COL18A1: variants seen among roughly 807,000 people sequenced by gnomAD.
COL18A1 encodes collagen type XVIII alpha 1 chain, also known as collagen alpha-1(XVIII) chain.
Under a neutral mutation model 168.0 loss-of-function variants are expected in COL18A1, and 133 were observed. The ratio of observed to expected loss-of-function variants is 0.79; its 90% confidence interval spans 0.69 to 0.91. The LOEUF (loss-of-function observed/expected upper bound fraction) is 0.91, where lower values mean the gene tolerates loss of function less well. COL18A1 is among the 40% of genes least tolerant of loss of function. The probability of loss-of-function intolerance (pLI) is 0.00; values close to 1 mark genes in which losing one functional copy is unlikely to be tolerated. For missense variants in COL18A1, 2,126 were observed against 1,925.4 expected (o/e 1.10, Z -1.95); for synonymous variants, 949 against 809.0 (o/e 1.17, Z -2.94).
chr21:45,507,622 G>C, intron 38 of COL18A1, 29 bp downstream of exon 38: 1 of 1,610,038 alleles, frequency 6.2e-7, no homozygotes, highest in Non-Finnish European at 8.5e-7. Context: ...GTTGAGACTG[G>C]TGGGTGGTCA....
At chr21:45,432,509 C>T (rs1002568038) in intron 2 of COL18A1, among the ~76,000 whole-genome samples, 6 of 152,238 alleles carry the variant, frequency 3.9e-5, no homozygotes, top group Non-Finnish European at 8.8e-5. Context: ...CTATGCAGGC[C>T]CTGCTGGGAG....
chr21:45,472,102 C>G (rs2035453621), intron 3 of COL18A1, among the ~76,000 whole-genome samples: 1 of 152,198 alleles, frequency 6.6e-6, no homozygotes, highest in African/African-American at 2.4e-5. Flanking sequence ...TCACGGGCCT[C>G]TCTGGACAGT....
chr21:45,488,565 A>T, intron 18 of COL18A1, 121 bp downstream of exon 18: 1 of 1,465,394 alleles, frequency 6.8e-7, no homozygotes, highest in Non-Finnish European at 9.5e-7. Flanking sequence ...GGATGAATTC[A>T]TCCTGGGAAG....
chr21:45,460,202 A>G (rs955254382), intron 2 of COL18A1, among the ~76,000 whole-genome samples: 1 of 152,224 alleles, frequency 6.6e-6, no homozygotes, highest in African/African-American at 2.4e-5. Context: ...GCAAGCTCCC[A>G]GCCGGGGAGC....
At chr21:45,429,037 G>C (rs2033883857) in intron 2 of COL18A1, among the ~76,000 whole-genome samples, 1 of 151,670 alleles carries the variant, frequency 6.6e-6, no homozygotes, top group Non-Finnish European at 1.5e-5. Context: ...CGAGTAGCTG[G>C]GACTATAGGC....
chr21:45,441,489 T>C (rs893875474), intron 2 of COL18A1, among the ~76,000 whole-genome samples: 3 of 152,134 alleles, frequency 2.0e-5, no homozygotes, highest in Non-Finnish European at 4.4e-5. Flanking sequence ...TGAACCCACC[T>C]CGAGGGCTGC....
rs2033448861 is a variant in COL18A1, at chr21:45,416,465, G to A, written c.106+10992G>A. ...GTGTGGGGGTGGCCGGGGCAGGGCG[G>A]TGTTTGCTTGGATTCAGAAATCCAG... On this transcript the variant is annotated intron_variant, in intron 2 of 41. Transcript: ENST00000651438. 2.6e-5 allele frequency among the ~76,000 whole-genome samples: 4 copies of A among 152,194 alleles called. No homozygotes were observed. The South Asian group carries it at 8.3e-4, about 31-fold the overall frequency.
intron 38 of COL18A1, 85 bp from the exon 39 acceptor site, chr21:45,509,271 T>G: frequency 6.6e-7 from 1 of 1,516,194 alleles, no homozygotes; most frequent in Non-Finnish European, 8.8e-7. Flanking sequence ...CCAGCCCCTC[T>G]CACCCAGCCC....
At chr21:45,452,705 A>G (rs554268843) in intron 2 of COL18A1, among the ~76,000 whole-genome samples, 1 of 146,014 alleles carries the variant, frequency 6.8e-6, no homozygotes, top group South Asian at 2.2e-4. Context: ...GAGTTTGTGT[A>G]TGCATGAATA....
chr21:45,512,942 G>A lies in COL18A1; in HGVS notation c.*544G>A, dbSNP rs993146198. ...AGGCTCAGGTCCCTGGGGCTAGGGG[G>A]AGCCCCTTCTGCTCAGCTCTGGGCC... On this transcript the variant is annotated 3_prime_UTR_variant, in exon 42 of 42. Coordinates refer to ENST00000651438, the MANE Select transcript of COL18A1 (RefSeq NM_001379500.1). 5.0e-4 allele frequency: 94 copies of A among 186,640 alleles called. No homozygotes were observed. The highest frequency in any genetic ancestry group is 2.1e-3 in the Admixed American group (39 of 18,742). The allele number at this position is 186,640 out of a possible 1,614,324, so 11.6% of individuals were successfully genotyped here. A position where few individuals can be genotyped will look rare whatever the true frequency, so the allele number is the denominator to read the frequency against.
chr21:45,461,993 T>C lies in COL18A1; in HGVS notation c.107-6249T>C, dbSNP rs555154434. ...CCCTTAGCTTTTGTTTATCTGGGAATGCCAATTTCTCCCTCACTTTTGAAG... is the reference window on the plus strand; with the variant it reads ...CCCTTAGCTTTTGTTTATCTGGGAACGCCAATTTCTCCCTCACTTTTGAAG... On this transcript the variant is annotated intron_variant, in intron 2 of 41. Transcript: ENST00000651438. Among the ~76,000 whole-genome samples the C allele has an allele frequency of 3.9e-5, 6 of 152,360 alleles. No individual in the cohort carries two copies. In the East Asian group the frequency reaches 1.2e-3, roughly 29 times the overall value.
intron 2 of COL18A1, among the ~76,000 whole-genome samples, chr21:45,431,033 A>G (rs1164884562): frequency 6.6e-6 from 1 of 152,212 alleles, no homozygotes; most frequent in Non-Finnish European, 1.5e-5. Flanking sequence ...GACTGTTCTC[A>G]GGCAGGCACT....
chr21:45,501,691 AG>A (rs1191317831), intron 32 of COL18A1, among the ~76,000 whole-genome samples: 1 of 148,412 alleles, frequency 6.7e-6, no homozygotes, highest in Non-Finnish European at 1.5e-5. Context: ...AAGGACCCCC[AG>A]GGGCTCCACA....
intron 5 of COL18A1, among the ~76,000 whole-genome samples, chr21:45,476,133 G>A (rs1430179529): frequency 1.5e-5 from 2 of 136,208 alleles, no homozygotes; most frequent in East Asian, 2.4e-4. Context: ...CGGCAGGCGC[G>A]GTCCTGGGTC....
At chr21:45,474,250 A>T (rs2035548610) in intron 4 of COL18A1, among the ~76,000 whole-genome samples, 1 of 151,058 alleles carries the variant, frequency 6.6e-6, no homozygotes, top group Non-Finnish European at 1.5e-5. Flanking sequence ...AGCTCAGCAA[A>T]GTGTGTGTGT....
In COL18A1 at chr21:45,471,201, G is replaced by A. The variant is rs375474119; in HGVS notation, c.651+2415G>A. Among the ~76,000 whole-genome samples the A allele has an allele frequency of 6.6e-6, 1 of 152,032 alleles. No homozygotes were observed. The highest frequency in any genetic ancestry group is 1.5e-5 in the Non-Finnish European group (1 of 67,970). ...GGGCGTGGGTGGCGCGCTATGGGCC[G>A]TGTGCTGAGGGCTGTGTTGGTTGAT... is the stretch of plus-strand genomic sequence containing the variant. On this transcript the variant is annotated intron_variant, in intron 3 of 41. Transcript: ENST00000651438. This position sits in a 1 kb window ranked among gnomAD's most constrained non-coding sequence, Gnocchi z 4.4.
At chr21:45,480,614 G>GT in intron 12 of COL18A1, 86 bp from the exon 13 acceptor site, 5 of 1,612,984 alleles carry the variant, frequency 3.1e-6, no homozygotes, top group Non-Finnish European at 4.2e-6. Flanking sequence ...CCTGTGGGGG[G>GT]TGGGGATGAG....
At chr21:45,485,149 ATTT>A (rs751718038) in intron 15 of COL18A1, among the ~76,000 whole-genome samples, 201 of 55,070 alleles carry the variant, frequency 3.6e-3, no homozygotes, top group African/African-American at 5.8e-3. Context: ...CACCTGGCTA[ATTT>A]TTTTTTTTTT....
At chr21:45,491,716 C>G (rs2036360918) in intron 22 of COL18A1, among the ~76,000 whole-genome samples, 1 of 152,224 alleles carries the variant, frequency 6.6e-6, no homozygotes, top group Admixed American at 6.5e-5. Context: ...TCCTCCCCCA[C>G]TGCGGCCCGT....
Sources: gnomAD v4.1 joint callset for allele counts (sites outside exome capture counted in the v4.1 genomes callset) on GRCh38, gnomAD v4.1.1 for gene constraint, Gnocchi (gnomAD v3.1) non-coding constraint, MANE v1.5 for transcripts, NCBI Gene and HGNC (gene_info 2026-07-23, HGNC 2026-07-21) for gene names.